VAV2: variants seen among roughly 807,000 people sequenced by gnomAD.
VAV2 encodes the protein guanine nucleotide exchange factor VAV2.
Under a neutral mutation model 132.5 loss-of-function variants are expected in VAV2, and 67 were observed. The observed-to-expected ratio is 0.51, with a 90% CI of 0.42 to 0.62. VAV2 has a LOEUF of 0.62. VAV2 is among the 20% of genes least tolerant of loss of function. VAV2 has a pLI of 0.00. For missense variants in VAV2, 938 were observed against 1,153.6 expected, an observed-to-expected ratio of 0.81 and a Z score of 2.71; for synonymous variants, 492 against 443.5, an observed-to-expected ratio of 1.11 and a Z score of -1.37.
chr9:133,913,358 T>G (rs557880972), intron 2 of VAV2, among the ~76,000 whole-genome samples: 2 of 152,306 alleles, frequency 1.3e-5, no homozygotes, highest in East Asian at 3.9e-4. Flanking sequence ...ACCAGCCACC[T>G]GGCAGTCAGC....
Position 133,980,181 on chromosome 9 carries a change from C to G in VAV2, c.204+11894G>C, listed in dbSNP as rs1195106237. The stretch of plus-strand genomic sequence containing the variant: ...CACCTGGTTCTCTGTCTCCCAACCT[C>G]CCACCAACCCAAGGGGCCATTTTGC... On this transcript the variant is annotated intron_variant, in intron 1 of 29. Coordinates refer to ENST00000371850, the MANE Select transcript of VAV2 (RefSeq NM_001134398.2). Among the ~76,000 whole-genome samples the G allele has an allele frequency of 2.0e-5, 3 of 152,326 alleles. No homozygotes were observed. The South Asian group carries it at 6.2e-4, about 32-fold the overall frequency.
At chr9:133,793,496 C>T (rs7044881) in intron 12 of VAV2, among the ~76,000 whole-genome samples, 7,945 of 152,210 alleles carry the variant, frequency 0.052, 365 homozygotes, top group African/African-American at 0.12. Flanking sequence ...TGTCCACTTG[C>T]CTTTAAAATA....
At chr9:133,958,093 GA>G (rs1841847103) in intron 1 of VAV2, among the ~76,000 whole-genome samples, 1 of 143,372 alleles carries the variant, frequency 7.0e-6, no homozygotes, top group East Asian at 2.0e-4. Flanking sequence ...CTCTGCCTAG[GA>G]AAGCCAGGTA....
intron 2 of VAV2, among the ~76,000 whole-genome samples, chr9:133,864,208 G>A (rs1837709838): frequency 1.3e-5 from 2 of 151,774 alleles, no homozygotes; most frequent in South Asian, 2.1e-4. Context: ...TCCCTCTCCC[G>A]CAGACAGCCG....
rs1445714227 is a variant in VAV2, at chr9:133,823,502, C to T, written c.449+10770G>A. Among the ~76,000 whole-genome samples, 1 of 152,150 alleles carries T rather than the reference C, an allele frequency of 6.6e-6. No individual in the cohort carries two copies. Among genetic ancestry groups the T allele is most frequent in the Non-Finnish European group, 1.5e-5 (1 of 68,018 alleles). ...ATTTTAGAGCAATATTTCTTAAGTGCCACTGTGTGTCAGTCAGATCTACGC... is the reference window on the plus strand; with the variant it reads ...ATTTTAGAGCAATATTTCTTAAGTGTCACTGTGTGTCAGTCAGATCTACGC... On this transcript the variant is annotated intron_variant, in intron 4 of 29. Coordinates refer to ENST00000371850, the MANE Select transcript of VAV2 (RefSeq NM_001134398.2). The surrounding 1 kb of genome is among the most constrained non-coding windows in gnomAD (Gnocchi z 5.5).
intron 6 of VAV2, 150 bp downstream of exon 6, chr9:133,810,041 G>T: frequency 8.7e-7 from 1 of 1,145,778 alleles, no homozygotes; most frequent in Non-Finnish European, 1.2e-6. Context: ...GGGGTGCCGA[G>T]GGTCTCTGAT....
intron 1 of VAV2, among the ~76,000 whole-genome samples, chr9:133,964,070 A>ATATATATAT (rs1564507864): frequency 2.2e-5 from 2 of 89,378 alleles, no homozygotes; most frequent in Admixed American, 1.1e-4. Context: ...CATATATATA[A>ATATATATAT]ATGAATAGGC....
At chr9:133,781,819 G>A (rs183224313) in intron 19 of VAV2, among the ~76,000 whole-genome samples, 342 of 152,366 alleles carry the variant, frequency 2.2e-3, no homozygotes, top group Non-Finnish European at 3.8e-3. Context: ...TGGGGAGAAT[G>A]GAGCTGGTGC....
At chr9:133,829,439 G>A (rs891265734) in intron 4 of VAV2, among the ~76,000 whole-genome samples, 1 of 152,254 alleles carries the variant, frequency 6.6e-6, no homozygotes, top group Non-Finnish European at 1.5e-5. Flanking sequence ...ACCCGGCACA[G>A]AGCCACTGGC....
rs1302507442 is a variant in VAV2 at position 133,888,414 on chromosome 9, G to C, written c.322-26982C>G. Reference sequence around the variant, plus strand: ...ACAAAACAAAGCAGCAGCTGCATGTGGGGGCCACGCACACCTGGATCTTCC... The same window carrying C: ...ACAAAACAAAGCAGCAGCTGCATGTCGGGGCCACGCACACCTGGATCTTCC... On this transcript the variant is annotated intron_variant, in intron 2 of 29. Coordinates refer to ENST00000371850, the MANE Select transcript of VAV2 (RefSeq NM_001134398.2). 2.0e-5 allele frequency among the ~76,000 whole-genome samples: 3 copies of C among 152,314 alleles called. 1 individual carries two copies. Among genetic ancestry groups the C allele is most frequent in the Middle Eastern group, 6.8e-3 (2 of 294 alleles).
At chr9:133,925,661 C>T (rs1434849913) in intron 2 of VAV2, among the ~76,000 whole-genome samples, 1 of 152,012 alleles carries the variant, frequency 6.6e-6, no homozygotes, top group Non-Finnish European at 1.5e-5. Flanking sequence ...AGCAAGTTCA[C>T]AGCCACACAC....
At chr9:133,854,274 C>T (rs2131847587) in intron 3 of VAV2, among the ~76,000 whole-genome samples, 1 of 137,110 alleles carries the variant, frequency 7.3e-6, no homozygotes, top group South Asian at 2.2e-4. Flanking sequence ...CACGCACATA[C>T]CCATATGCAC....
intron 13 of VAV2, among the ~76,000 whole-genome samples, chr9:133,790,741 TTTTC>T (rs1343801600): frequency 6.6e-6 from 1 of 152,130 alleles, no homozygotes; most frequent in African/African-American, 2.4e-5. Flanking sequence ...CTTATTTTTT[TTTTC>T]TTTCATCGCC....
chr9:133,988,601 C>T (rs892648052), intron 1 of VAV2, among the ~76,000 whole-genome samples: 3 of 152,202 alleles, frequency 2.0e-5, no homozygotes, highest in Non-Finnish European at 4.4e-5. Context: ...GAGATGACTT[C>T]TTCCCTCTCC....
chr9:133,841,748 C>A (rs1202138810), intron 3 of VAV2, among the ~76,000 whole-genome samples: 2 of 152,230 alleles, frequency 1.3e-5, no homozygotes, highest in Non-Finnish European at 2.9e-5. Context: ...CTCTGCCTGT[C>A]TCTGAGCCTC....
At chr9:133,890,464 A>G (rs956932796) in intron 2 of VAV2, among the ~76,000 whole-genome samples, 1 of 152,152 alleles carries the variant, frequency 6.6e-6, no homozygotes, top group Non-Finnish European at 1.5e-5. Context: ...CAGAAATGGG[A>G]AAAGTGCCGA....
chr9:133,769,351 C>T lies in VAV2; in HGVS notation c.2434+66G>A, dbSNP rs544187156. 906 of 1,508,162 alleles carry T rather than the reference C, an allele frequency of 6.0e-4. 5 individuals carry two copies. The African/African-American group carries it at 0.011, about 19-fold the overall frequency. 93.4% of individuals were successfully genotyped at this position (1,508,162 alleles called of 1,614,324 possible). A position where few individuals can be genotyped will look rare whatever the true frequency, so the allele number is the denominator to read the frequency against. On this transcript the variant is annotated intron_variant, in intron 28 of 29. Transcript: ENST00000371850. The surrounding 1 kb of genome is among the most constrained non-coding windows in gnomAD (Gnocchi z 8.1). ...GGGCTGTGGGGCCAGTGGGCAGCTCCGTGCTGGGTCTCCCAAGGCAGCTGC... is the reference window on the plus strand; with the variant it reads ...GGGCTGTGGGGCCAGTGGGCAGCTCTGTGCTGGGTCTCCCAAGGCAGCTGC...
chr9:133,799,970 C>T (rs1027064853), intron 9 of VAV2, among the ~76,000 whole-genome samples: 3 of 152,158 alleles, frequency 2.0e-5, no homozygotes, highest in African/African-American at 4.8e-5. Flanking sequence ...CAGAGCCATG[C>T]GCAGAAGACA....
chr9:133,956,074 G>A (rs940369698), intron 1 of VAV2, among the ~76,000 whole-genome samples: 1 of 151,936 alleles, frequency 6.6e-6, no homozygotes, highest in Admixed American at 6.5e-5. Flanking sequence ...CAGCTTCCCA[G>A]GTGACGCTGG....
Sources: allele counts gnomAD v4.1 joint callset (sites outside exome capture counted in the v4.1 genomes callset), GRCh38; gene constraint gnomAD v4.1.1; non-coding constraint Gnocchi (gnomAD v3.1); transcripts MANE v1.5; gene names NCBI Gene and HGNC (gene_info 2026-07-23, HGNC 2026-07-21).